The following SCD variants were observed in gnomAD, a reference collection of about 807,000 sequenced individuals.
SCD encodes stearoyl-CoA desaturase.
SCD carries 4 observed loss-of-function variants against 35.7 expected under a neutral mutation model. The observed-to-expected ratio is 0.11, with a 90% CI of 0.06 to 0.26. The LOEUF is 0.26. SCD is among the 10% of genes least tolerant of loss of function. SCD has a pLI of 1.00. For missense variants in SCD, 282 were observed against 460.7 expected, an observed-to-expected ratio of 0.61 and a Z score of 3.55; for synonymous variants, 150 against 170.2, an observed-to-expected ratio of 0.88 and a Z score of 0.92.
rs201033598 is a variant in SCD, at chr10:100,347,540, C to T, written c.27+9C>T. 8.3e-3 allele frequency: 13,409 copies of T among 1,613,876 alleles called. 66 individuals carry two copies. Among genetic ancestry groups the T allele is most frequent in the Non-Finnish European group, 9.4e-3 (11,118 of 1,179,934 alleles). On this transcript the variant is annotated intron_variant, in intron 1 of 5. Transcript: ENST00000370355. ...ACTTGCTGCAGGACGATGTGAGTTT[C>T]CCAGCCTGGCCCCGTACCGCCGGGT... is the stretch of plus-strand genomic sequence containing the variant.
Position 100,347,437 on chromosome 10 carries a change from C to T in SCD, c.-68C>T, listed in dbSNP as rs1849808165. 7.0e-6 allele frequency: 11 copies of T among 1,563,196 alleles called. No homozygotes were observed. The highest frequency in any genetic ancestry group is 3.7e-5 in the Admixed American group (2 of 54,424). On this transcript the variant is annotated 5_prime_UTR_variant, in exon 1 of 6. Transcript: ENST00000370355. ...GGCGGGCTTCGAAACCGCAGTCCTCCGGCGACCCCGAACTCCGCTCCGGAG... is the reference window on the plus strand; with the variant it reads ...GGCGGGCTTCGAAACCGCAGTCCTCTGGCGACCCCGAACTCCGCTCCGGAG...
At position 100,364,002 on chromosome 10, in the gene SCD, C is replaced by T. The variant is rs1171476138; in HGVS notation, c.*3069C>T. The T allele has an allele frequency of 6.6e-6, 1 of 152,366 alleles. No homozygotes were observed. Among genetic ancestry groups the T allele is most frequent in the Non-Finnish European group, 1.5e-5 (1 of 68,024 alleles). The allele number at this position is 152,366 out of a possible 1,614,324, so 9.4% of individuals were successfully genotyped here. A position where few individuals can be genotyped will look rare whatever the true frequency, so the allele number is the denominator to read the frequency against. ...CCTGAGTGGAGGATTATCAGTATCA[C>T]GATTTGCAGGATTCCCTTCTGGGCT... is the stretch of plus-strand genomic sequence containing the variant. On this transcript the variant is annotated 3_prime_UTR_variant, in exon 6 of 6. Transcript: ENST00000370355.
In SCD at chr10:100,363,699, T is replaced by C. The variant is rs1343129393; in HGVS notation, c.*2766T>C. 6.6e-6 allele frequency: 1 copy of C among 152,544 alleles called. No individual in the cohort carries two copies. Among genetic ancestry groups the C allele is most frequent in the East Asian group, 1.9e-4 (1 of 5,200 alleles). The allele number at this position is 152,544 out of a possible 1,614,324, so 9.4% of individuals were successfully genotyped here. On this transcript the variant is annotated 3_prime_UTR_variant, in exon 6 of 6. Coordinates refer to ENST00000370355, the MANE Select transcript of SCD (RefSeq NM_005063.5). ...ACCTCAGGCTGAGGGCCCCAATGTA[T>C]GTGTGGCTGTGGGTGTGGGTGGGAG... is the stretch of plus-strand genomic sequence containing the variant.
chr10:100,347,496 A>G lies in SCD; in HGVS notation c.-9A>G, dbSNP rs1178799639. On this transcript the variant is annotated 5_prime_UTR_variant, in exon 1 of 6. Coordinates refer to ENST00000370355, the MANE Select transcript of SCD (RefSeq NM_005063.5). ...CCCTGGAAAGTGATCCCGGCATCCGAGAGCCAAGATGCCGGCCCACTTGCT... is the reference window on the plus strand; with the variant it reads ...CCCTGGAAAGTGATCCCGGCATCCGGGAGCCAAGATGCCGGCCCACTTGCT... The G allele has an allele frequency of 6.2e-7, 1 of 1,613,860 alleles. No individual in the cohort carries two copies. The highest frequency in any genetic ancestry group is 1.1e-5 in the South Asian group (1 of 91,084).
At chr10:100,358,531 G>A (rs541780455) in intron 5 of SCD, among the ~76,000 whole-genome samples, 2 of 148,012 alleles carry the variant, frequency 1.4e-5, no homozygotes, top group Admixed American at 1.4e-4. Context: ...AGCGGAGCTT[G>A]CAGTGAGCCG....
intron 4 of SCD, among the ~76,000 whole-genome samples, chr10:100,355,578 C>T (rs1849919864): frequency 6.6e-6 from 1 of 152,118 alleles, no homozygotes; most frequent in South Asian, 2.1e-4. Flanking sequence ...TACGGACGTG[C>T]TTTAGGAAGG....
In SCD at chr10:100,356,208, T is replaced by C. The variant is rs1849925541; in HGVS notation, c.648-324T>C. Among the ~76,000 whole-genome samples, 1 of 151,898 alleles carries C rather than the reference T, an allele frequency of 6.6e-6. No individual in the cohort carries two copies. Among genetic ancestry groups the C allele is most frequent in the Non-Finnish European group, 1.5e-5 (1 of 67,988 alleles). ...GCCTGGGCAACATAGTGAGACCTCATCTCTACAAAAAATTAAAAACTAAAT... is the reference window on the plus strand; with the variant it reads ...GCCTGGGCAACATAGTGAGACCTCACCTCTACAAAAAATTAAAAACTAAAT... On this transcript the variant is annotated intron_variant, in intron 4 of 5. Transcript: ENST00000370355. The surrounding 1 kb of genome is among the most constrained non-coding windows in gnomAD (Gnocchi z 4.1).
chr10:100,352,552 ACAGAAAGGAGGGATCAGCAC>A lies in SCD; in HGVS notation c.441+61_441+80del. The A allele has an allele frequency of 6.4e-7, 1 of 1,567,486 alleles. No homozygotes were observed. Among genetic ancestry groups the A allele is most frequent in the Non-Finnish European group, 8.7e-7 (1 of 1,147,038 alleles). ...CCTCCACACTATTAATGATCCGGGG[ACAGAAAGGAGGGATCAGCAC>A]CAGAGAGGAGCCACACCTGACAGCC... On this transcript the variant is annotated intron_variant, in intron 3 of 5. Transcript: ENST00000370355. The surrounding 1 kb of genome is among the most constrained non-coding windows in gnomAD (Gnocchi z 4.2).
intron 5 of SCD, among the ~76,000 whole-genome samples, chr10:100,360,249 A>G (rs1223280055): frequency 6.6e-6 from 1 of 152,242 alleles, no homozygotes; most frequent in African/African-American, 2.4e-5. Context: ...AAGGACGTGC[A>G]CATGCACATG....
intron 2 of SCD, among the ~76,000 whole-genome samples, chr10:100,348,588 T>TA (rs11446562): frequency 0.48 from 72,707 of 151,420 alleles, 18,022 homozygotes; most frequent in African/African-American, 0.61. Flanking sequence ...CTTTGAAGTG[T>TA]GCTGTGCTGG....
Position 100,347,234 on chromosome 10 carries a change from G to A in SCD, c.-271G>A, listed in dbSNP as rs1849804045. ...CCTCCACGCGGGACCGCCCGCGCCA[G>A]TCAACTCCTCGCACTTTGCCCCTGC... is the stretch of plus-strand genomic sequence containing the variant. On this transcript the variant is annotated 5_prime_UTR_variant, in exon 1 of 6. Transcript: ENST00000370355. The A allele has an allele frequency of 3.8e-6, 2 of 532,706 alleles. No individual in the cohort carries two copies. Among genetic ancestry groups the A allele is most frequent in the East Asian group, 3.6e-5 (1 of 28,028 alleles). The allele number at this position is 532,706 out of a possible 1,614,324, so 33.0% of individuals were successfully genotyped here.
chr10:100,354,687 GA>G (rs1473277238), intron 4 of SCD, 55 bp downstream of exon 4: 1 of 1,389,584 alleles, frequency 7.2e-7, no homozygotes. Context: ...GGTCATTAGG[GA>G]CCCCATTTTT....
chr10:100,348,972 G>A lies in SCD; in HGVS notation c.310+626G>A, dbSNP rs189213729. 5.9e-5 allele frequency among the ~76,000 whole-genome samples: 9 copies of A among 152,288 alleles called. No individual in the cohort carries two copies. The East Asian group carries it at 1.7e-3, about 29-fold the overall frequency. On this transcript the variant is annotated intron_variant, in intron 2 of 5. Coordinates refer to ENST00000370355, the MANE Select transcript of SCD (RefSeq NM_005063.5). ...TTGCTCTGTTACTCTACATTCCAGG[G>A]TGCTGCACATACCAGTCAACAAAAT...
At chr10:100,353,883 T>C (rs1362297874) in intron 3 of SCD, among the ~76,000 whole-genome samples, 2 of 152,198 alleles carry the variant, frequency 1.3e-5, no homozygotes, top group Non-Finnish European at 1.5e-5. Flanking sequence ...GAAAAAGTCA[T>C]GAAGAAGCCC....
Position 100,361,032 on chromosome 10 carries a change from T to C in SCD, c.*99T>C. 1 of 1,040,422 alleles carries C rather than the reference T, an allele frequency of 9.6e-7. No individual in the cohort carries two copies. Among genetic ancestry groups the C allele is most frequent in the Admixed American group, 2.3e-5 (1 of 43,390 alleles). The allele number at this position is 1,040,422 out of a possible 1,614,324, so 64.4% of individuals were successfully genotyped here. On this transcript the variant is annotated 3_prime_UTR_variant, in exon 6 of 6. Coordinates refer to ENST00000370355, the MANE Select transcript of SCD (RefSeq NM_005063.5). The stretch of plus-strand genomic sequence containing the variant: ...AATAATGCTACCAGGATGCTAAAGA[T>C]GATGATGTTAACCCATTCCAGTACA...
chr10:100,358,791 G>A (rs1225765755), intron 5 of SCD, among the ~76,000 whole-genome samples: 1 of 147,590 alleles, frequency 6.8e-6, no homozygotes, highest in African/African-American at 2.5e-5. Context: ...AGCCAGGCAT[G>A]GTGGCACGTG....
Position 100,364,802 on chromosome 10 carries a change from C to T in SCD, c.*3869C>T, listed in dbSNP as rs1850024766. ...GTACTAATCTGAGATTGTGTTTGTTCATAATAAAAGTGAAGTGAATCTGAT... is the reference window on the plus strand; with the variant it reads ...GTACTAATCTGAGATTGTGTTTGTTTATAATAAAAGTGAAGTGAATCTGAT... On this transcript the variant is annotated 3_prime_UTR_variant, in exon 6 of 6. Coordinates refer to ENST00000370355, the MANE Select transcript of SCD (RefSeq NM_005063.5). The T allele has an allele frequency of 1.3e-5, 2 of 152,526 alleles. No homozygotes were observed. The highest frequency in any genetic ancestry group is 1.3e-4 in the Admixed American group (2 of 15,262). The allele number at this position is 152,526 out of a possible 1,614,324, so 9.4% of individuals were successfully genotyped here.
intron 1 of SCD, 33 bp downstream of exon 1, chr10:100,347,564 G>T (rs778402653): frequency 1.9e-6 from 3 of 1,612,812 alleles, no homozygotes; most frequent in Non-Finnish European, 2.5e-6. Flanking sequence ...GTACCGCCGG[G>T]TCGCAGGCGC....
At position 100,352,431 on chromosome 10, in the gene SCD, C is replaced by T. The variant is rs372610278; in HGVS notation, c.376C>T (p.Arg126Cys). 7 of 1,613,856 alleles carry T rather than the reference C, an allele frequency of 4.3e-6. No homozygotes were observed. The highest frequency in any genetic ancestry group is 1.7e-5 in the Admixed American group (1 of 59,990). Residue 126 changes from arginine (R) to cysteine (C), a missense_variant, in exon 3 of 6, where the codon CGC (arginine) becomes TGC (cysteine). By Grantham distance (180) the Arg-to-Cys change is radical (BLOSUM62 -3). This residue lies in a region of SCD where 205 missense variants were observed against 372.3 expected (regional missense o/e 0.55). Transcript: ENST00000370355. The surrounding 1 kb of genome is among the most constrained non-coding windows in gnomAD (Gnocchi z 4.2). Reference protein sequence around the residue: ...TAGAHRLWSHRSYKARLPLRL... With the variant: ...TAGAHRLWSHCSYKARLPLRL... The stretch of plus-strand genomic sequence containing the variant: ...AGGAGCTCATCGTCTGTGGAGCCAC[C>T]GCTCTTACAAAGCTCGGCTGCCCCT...
Sources: allele counts gnomAD v4.1 joint callset (sites outside exome capture counted in the v4.1 genomes callset), GRCh38; gene constraint gnomAD v4.1.1; regional missense constraint gnomAD v4.1.1; non-coding constraint Gnocchi (gnomAD v3.1); transcripts MANE v1.5; gene names NCBI Gene and HGNC (gene_info 2026-07-23, HGNC 2026-07-21).